Variants in XRN1 observed in about 807,000 individuals in gnomAD.
XRN1 encodes 5'-3' exoribonuclease 1, also known as strand-exchange protein 1 homolog.
In XRN1, 67 loss-of-function variants were observed where a neutral mutation model predicts 222.3. The observed-to-expected ratio is 0.30, with a 90% confidence interval of 0.25 to 0.37. The LOEUF (loss-of-function observed/expected upper bound fraction) is 0.37. XRN1 is among the 10% of genes least tolerant of loss of function. The pLI, the probability that XRN1 is intolerant of heterozygous loss-of-function variation, is 1.00. For synonymous variants in XRN1, 643 were observed against 652.4 expected (o/e 0.99, Z 0.22); for missense variants, 1,707 against 2,000.2 (o/e 0.85, Z 2.80).
intron 1 of XRN1, among the ~76,000 whole-genome samples, chr3:142,434,418 CCCAG>C (rs1432831698): frequency 2.0e-5 from 3 of 152,044 alleles, no homozygotes; most frequent in Non-Finnish European, 4.4e-5. Context: ...GATTTGCCTG[CCCAG>C]GCCTCCCAAA....
At chr3:142,321,411 G>T (rs1176033158) in intron 37 of XRN1, among the ~76,000 whole-genome samples, 2 of 152,148 alleles carry the variant, frequency 1.3e-5, no homozygotes, top group African/African-American at 4.8e-5. Context: ...ATGAGCCATT[G>T]CGCCCGGCTA....
chr3:142,347,692 G>T (rs1244062584), intron 32 of XRN1, among the ~76,000 whole-genome samples: 2 of 151,782 alleles, frequency 1.3e-5, no homozygotes, highest in African/African-American at 2.4e-5. Flanking sequence ...CTGCCTCCCG[G>T]GTTCATGTGA....
intron 2 of XRN1, among the ~76,000 whole-genome samples, chr3:142,431,865 ATATATTATATTATATATAT>A (rs2069556101): frequency 3.1e-5 from 1 of 31,896 alleles, no homozygotes; most frequent in African/African-American, 3.6e-4. Flanking sequence ...ATTATATATA[ATATATTATATTATATATAT>A]TATATATAAT....
At chr3:142,429,935 GT>G (rs1559877542) in intron 2 of XRN1, among the ~76,000 whole-genome samples, 2 of 152,160 alleles carry the variant, frequency 1.3e-5, no homozygotes, top group East Asian at 3.9e-4. Flanking sequence ...CAGGGAATCA[GT>G]TTTTTTCAGT....
At chr3:142,421,766 C>G (rs1353547714) in intron 8 of XRN1, among the ~76,000 whole-genome samples, 2 of 152,118 alleles carry the variant, frequency 1.3e-5, no homozygotes, top group African/African-American at 4.8e-5. Context: ...ATTCCAGGTT[C>G]CACATAATAA....
chr3:142,360,510 T>C (rs2066585337), intron 29 of XRN1, among the ~76,000 whole-genome samples: 1 of 152,018 alleles, frequency 6.6e-6, no homozygotes, highest in Non-Finnish European at 1.5e-5. Context: ...AGGTGAATGT[T>C]CCCTAGGTTA....
chr3:142,434,331 C>T (rs530894747), intron 1 of XRN1, among the ~76,000 whole-genome samples: 12 of 151,796 alleles, frequency 7.9e-5, no homozygotes, highest in East Asian at 3.9e-4. Context: ...CTTTTTCACA[C>T]GCTAATTTTC....
intron 8 of XRN1, among the ~76,000 whole-genome samples, chr3:142,422,271 G>A (rs1281668816): frequency 6.6e-6 from 1 of 151,992 alleles, no homozygotes; most frequent in African/African-American, 2.4e-5. Context: ...GAAGGCAAAC[G>A]TTGCACTGTC....
chr3:142,418,751 A>T (rs1335552529), intron 11 of XRN1, 64 bp downstream of exon 11: 1 of 1,558,842 alleles, frequency 6.4e-7, no homozygotes, highest in African/African-American at 1.4e-5. Flanking sequence ...GTAATAATAA[A>T]TAAAAGGTAT....
At position 142,418,535 on chromosome 3, in the gene XRN1, T is replaced by G; in HGVS notation, c.1315A>C (p.Met439Leu). The G allele has an allele frequency of 1.9e-6, 3 of 1,611,734 alleles. No homozygotes were observed. Among genetic ancestry groups the G allele is most frequent in the Middle Eastern group, 1.7e-4 (1 of 6,054 alleles). Residue 439 changes from methionine to leucine, a missense_variant, in exon 12 of 41, where the codon ATG (methionine) becomes CTG (leucine). Physicochemically the swap from Met to Leu is conservative, Grantham distance 15. Transcript: ENST00000392981. ...ACTACGTCAACCCCCATCTTCGTCA[T>G]GTAATATGTTCTTTTATATTGTCTA... is the stretch of plus-strand genomic sequence containing the variant. Reference protein sequence around the residue: ...EFRQYKRTYYMTKMGVDVVSD... With the variant: ...EFRQYKRTYYLTKMGVDVVSD...
At chr3:142,404,851 G>C in intron 16 of XRN1, 56 bp downstream of exon 16, 2 of 1,560,136 alleles carry the variant, frequency 1.3e-6, no homozygotes, top group Non-Finnish European at 8.8e-7. Context: ...ACCACTTCTC[G>C]CACCCTTGTG....
intron 23 of XRN1, among the ~76,000 whole-genome samples, chr3:142,378,719 GAAAT>G (rs1428217483): frequency 1.3e-5 from 2 of 151,864 alleles, no homozygotes; most frequent in Non-Finnish European, 2.9e-5. Context: ...AATTATCAAA[GAAAT>G]AATACAAGAA....
chr3:142,326,539 T>C (rs751775437), intron 37 of XRN1, among the ~76,000 whole-genome samples: 1 of 152,076 alleles, frequency 6.6e-6, no homozygotes, highest in Non-Finnish European at 1.5e-5. Flanking sequence ...TCAATTCTAA[T>C]AGTTTTTTTC....
At position 142,392,938 on chromosome 3, in the gene XRN1, C is replaced by A. The variant is rs879569860; in HGVS notation, c.2339+4391G>T. 1.3e-3 allele frequency among the ~76,000 whole-genome samples: 194 copies of A among 149,350 alleles called. 1 individual carries two copies. The highest frequency in any genetic ancestry group is 2.9e-3 in the Admixed American group (43 of 15,086). ...ATGGTTGAACTAGTTTACAGTCCCA[C>A]CAACAGTGTAAAAGTGTTCCTATTT... On this transcript the variant is annotated intron_variant, in intron 20 of 40. Coordinates refer to ENST00000392981, the MANE Select transcript of XRN1 (RefSeq NM_001282857.2).
chr3:142,422,552 A>G (rs368460437), intron 8 of XRN1, 30 bp downstream of exon 8: 3 of 1,602,038 alleles, frequency 1.9e-6, no homozygotes, highest in African/African-American at 2.7e-5. Flanking sequence ...AAATTAAAGT[A>G]TCCTCGAGAG....
In XRN1 at chr3:142,412,570, C is replaced by T; in HGVS notation, c.1687G>A (p.Val563Met). The T allele has an allele frequency of 6.2e-6, 10 of 1,607,812 alleles. No individual in the cohort carries two copies. The highest frequency in any genetic ancestry group is 8.5e-6 in the Non-Finnish European group (10 of 1,175,890). The change falls in exon 15 of 41, where the codon GTG (valine) becomes ATG (methionine). Residue 563 changes from valine to methionine, a missense_variant. Transcript: ENST00000392981. ...TCATCAATAAAAGGGATTAACACCA[C>T]AGCTTCCCATTCCTGTTGTTTCCCA... is the stretch of plus-strand genomic sequence containing the variant. ...LNGKQQEWEA[V>M]VLIPFIDEKR...
chr3:142,318,530 T>G, intron 39 of XRN1, 62 bp downstream of exon 39: 1 of 1,417,286 alleles, frequency 7.1e-7, no homozygotes, highest in South Asian at 1.3e-5. Flanking sequence ...CTTGATTTCT[T>G]AAAAGAGCTT....
At chr3:142,343,077 G>GA (rs912273835) in intron 33 of XRN1, among the ~76,000 whole-genome samples, 7 of 152,030 alleles carry the variant, frequency 4.6e-5, no homozygotes, top group South Asian at 4.2e-4. Context: ...AACTTTCTAG[G>GA]AAAAAAATCT....
At chr3:142,428,268 G>C (rs1207427951) in intron 2 of XRN1, among the ~76,000 whole-genome samples, 3 of 151,652 alleles carry the variant, frequency 2.0e-5, no homozygotes, top group Non-Finnish European at 4.4e-5. Flanking sequence ...TGGTGGTGCG[G>C]CCTGTAGTCC....
Sources: allele counts gnomAD v4.1 joint callset (sites outside exome capture counted in the v4.1 genomes callset), GRCh38; gene constraint gnomAD v4.1.1; transcripts MANE v1.5; gene names NCBI Gene and HGNC (gene_info 2026-07-23, HGNC 2026-07-21).